The following SEPTIN11 variants were observed in gnomAD, a reference collection of about 807,000 sequenced individuals.
SEPTIN11 encodes the protein septin 11, also known as septin-11.
In SEPTIN11, 25 loss-of-function variants were observed where a neutral mutation model predicts 51.4. That is an observed-to-expected ratio of 0.49 (90% CI 0.35 to 0.68). The LOEUF is 0.68. Ranked by LOEUF, SEPTIN11 falls within the 30% of genes least tolerant of loss-of-function variation. SEPTIN11 has a pLI of 0.00. For synonymous variants in SEPTIN11, 174 were observed against 184.1 expected (o/e 0.95, Z 0.44); for missense variants, 381 against 520.8 (o/e 0.73, Z 2.61).
In SEPTIN11 at chr4:77,014,992, T is replaced by C; in HGVS notation, c.662T>C (p.Val221Ala). 1 of 1,613,774 alleles carries C rather than the reference T, an allele frequency of 6.2e-7. No individual in the cohort carries two copies. The highest frequency in any genetic ancestry group is 1.1e-5 in the South Asian group (1 of 90,922). Residue 221 changes from valine (V) to alanine (A), a missense_variant, in exon 5 of 10, where the codon GTG (valine) becomes GCG (alanine). Transcript: ENST00000264893. ...CAGTTTCCCACTGATGAAGAAACGG[T>C]GGCAGAGATTAACGCAACAATGAGT... ...IYQFPTDEETVAEINATMSVH... is the reference protein window; with the variant it reads ...IYQFPTDEETAAEINATMSVH...
chr4:77,016,631 CACATATATAT>C (rs1560736245), intron 5 of SEPTIN11, among the ~76,000 whole-genome samples: 17 of 22,722 alleles, frequency 7.5e-4, no homozygotes, highest in East Asian at 5.2e-3. Context: ...TATATATATA[CACATATATAT>C]ATATATATAT....
At chr4:77,025,874 A>G (rs939747534) in intron 7 of SEPTIN11, among the ~76,000 whole-genome samples, 4 of 152,276 alleles carry the variant, frequency 2.6e-5, no homozygotes, top group Non-Finnish European at 5.9e-5. Context: ...TGTTGAGCCC[A>G]TTTGCCTGCT....
chr4:76,984,808 G>T lies in SEPTIN11; in HGVS notation c.28-11617G>T, dbSNP rs1476736925. Among the ~76,000 whole-genome samples, 1 of 152,190 alleles carries T rather than the reference G, an allele frequency of 6.6e-6. No homozygotes were observed. The highest frequency in any genetic ancestry group is 2.4e-5 in the African/African-American group (1 of 41,430). ...CGTGATATGTCTTAAATGGAACTGG[G>T]TTGTTTGGGACCCACTGGACAGCAA... On this transcript the variant is annotated intron_variant, in intron 1 of 9. Coordinates refer to ENST00000264893, the MANE Select transcript of SEPTIN11 (RefSeq NM_018243.4). The surrounding 1 kb of genome is among the most constrained non-coding windows in gnomAD (Gnocchi z 4.1).
chr4:76,973,224 C>G (rs1722326867), intron 1 of SEPTIN11, among the ~76,000 whole-genome samples: 1 of 152,162 alleles, frequency 6.6e-6, no homozygotes, highest in African/African-American at 2.4e-5. Flanking sequence ...CTCCATCTCT[C>G]CTGGGGTCCC....
chr4:77,027,326 G>C (rs1377605009), intron 7 of SEPTIN11, among the ~76,000 whole-genome samples: 1 of 152,042 alleles, frequency 6.6e-6, no homozygotes, highest in Non-Finnish European at 1.5e-5. Context: ...AGTAGAGATG[G>C]AGTTTCACCA....
intron 1 of SEPTIN11, among the ~76,000 whole-genome samples, chr4:76,954,979 A>T: frequency 2.6e-5 from 1 of 38,018 alleles, no homozygotes; most frequent in Non-Finnish European, 4.6e-5. Flanking sequence ...TTATTTATTT[A>T]TTTATTTTTT....
chr4:76,961,204 C>T (rs1721813122), intron 1 of SEPTIN11, among the ~76,000 whole-genome samples: 1 of 152,152 alleles, frequency 6.6e-6, no homozygotes, highest in Non-Finnish European at 1.5e-5. Context: ...TTTCCCTTCT[C>T]TTTACCTTTT....
At chr4:76,998,126 C>G (rs1560719610) in intron 2 of SEPTIN11, among the ~76,000 whole-genome samples, 1 of 152,078 alleles carries the variant, frequency 6.6e-6, no homozygotes, top group Admixed American at 6.5e-5. Context: ...TAAAGCAGCC[C>G]TATTTGGAGT....
intron 5 of SEPTIN11, among the ~76,000 whole-genome samples, chr4:77,018,640 A>G (rs2109967757): frequency 6.6e-6 from 1 of 152,314 alleles, no homozygotes; most frequent in Admixed American, 6.5e-5. Flanking sequence ...GATTTTCAAT[A>G]TGAAATAAGT....
At chr4:76,967,632 G>A (rs1722085731) in intron 1 of SEPTIN11, among the ~76,000 whole-genome samples, 1 of 152,140 alleles carries the variant, frequency 6.6e-6, no homozygotes, top group Admixed American at 6.5e-5. Flanking sequence ...AATACTGTGT[G>A]GGTCACATAA....
Position 76,949,760 on chromosome 4 carries a change from G to T in SEPTIN11, c.-144G>T. 2 of 817,702 alleles carry T rather than the reference G, an allele frequency of 2.4e-6. No individual in the cohort carries two copies. The highest frequency in any genetic ancestry group is 3.5e-4 in the Middle Eastern group (1 of 2,826). The allele number at this position is 817,702 out of a possible 1,614,324, so 50.7% of individuals were successfully genotyped here. ...GGGCGGCGGCGTGGGGGGAGCAGAT[G>T]CCGCTGGCTGCCAGCGGGACGCCGG... is the stretch of plus-strand genomic sequence containing the variant. On this transcript the variant is annotated 5_prime_UTR_variant, in exon 1 of 10. The change abolishes an upstream ATG in the 5' untranslated region. Transcript: ENST00000264893.
rs1727166209 is a variant in SEPTIN11, at chr4:77,038,246, A to G, written c.*3734A>G. ...AATAAATTGAAAAGCTGTGAACAGC[A>G]TTAGAACTTTGTCTATTTCTTAATT... On this transcript the variant is annotated 3_prime_UTR_variant, in exon 10 of 10. Coordinates refer to ENST00000264893, the MANE Select transcript of SEPTIN11 (RefSeq NM_018243.4). 3 of 985,552 alleles carry G rather than the reference A, an allele frequency of 3.0e-6. No homozygotes were observed. The highest frequency in any genetic ancestry group is 9.4e-5 in the South Asian group (2 of 21,286). The allele number at this position is 985,552 out of a possible 1,614,324, so 61.1% of individuals were successfully genotyped here. A position where few individuals can be genotyped will look rare whatever the true frequency, so the allele number is the denominator to read the frequency against.
intron 1 of SEPTIN11, among the ~76,000 whole-genome samples, chr4:76,956,979 TGTGTGTGTGTGTGTGA>T (rs910882207): frequency 2.9e-5 from 4 of 139,050 alleles, no homozygotes; most frequent in Non-Finnish European, 4.6e-5. Context: ...TGTGTGTGTG[TGTGTGTGTGTGTGTGA>T]GAGAGAGAGA....
intron 1 of SEPTIN11, among the ~76,000 whole-genome samples, chr4:76,964,816 T>C (rs1359429465): frequency 6.6e-6 from 1 of 152,246 alleles, no homozygotes; most frequent in East Asian, 1.9e-4. Context: ...TTGAGCTTTA[T>C]TGAATACCAG....
intron 9 of SEPTIN11, among the ~76,000 whole-genome samples, chr4:77,032,602 C>A (rs181771251): frequency 6.0e-4 from 92 of 152,110 alleles, no homozygotes; most frequent in African/African-American, 2.0e-3. Flanking sequence ...ACACATACAT[C>A]TATAGGTATG....
chr4:76,999,886 A>G (rs1021205553), intron 2 of SEPTIN11, among the ~76,000 whole-genome samples: 2 of 151,798 alleles, frequency 1.3e-5, no homozygotes, highest in Admixed American at 1.3e-4. Flanking sequence ...CACCTAAATC[A>G]CTCCTGAAGC....
chr4:77,014,481 T>G (rs1243845665), intron 4 of SEPTIN11, among the ~76,000 whole-genome samples: 2 of 152,050 alleles, frequency 1.3e-5, no homozygotes, highest in Non-Finnish European at 2.9e-5. Context: ...CATAGAAGAG[T>G]AACACTTCCT....
At chr4:76,973,187 G>A (rs562186763) in intron 1 of SEPTIN11, 3 of 152,206 alleles carry the variant, frequency 2.0e-5, no homozygotes, top group Admixed American at 2.0e-4. Flanking sequence ...CTCAAAGCCT[G>A]TGTGGGGGGA....
chr4:77,018,407 C>CCACT (rs1427861082), intron 5 of SEPTIN11, among the ~76,000 whole-genome samples: 1 of 151,494 alleles, frequency 6.6e-6, no homozygotes, highest in Non-Finnish European at 1.5e-5. Flanking sequence ...CGAGATCGCG[C>CCACT]CACTGCACTC....
Sources: allele counts gnomAD v4.1 joint callset (sites outside exome capture counted in the v4.1 genomes callset), GRCh38; gene constraint gnomAD v4.1.1; non-coding constraint Gnocchi (gnomAD v3.1); transcripts MANE v1.5; gene names NCBI Gene and HGNC (gene_info 2026-07-23, HGNC 2026-07-21).